The following TOP1MT variants were observed in gnomAD, a reference collection of about 807,000 sequenced individuals.
The protein encoded by TOP1MT is DNA topoisomerase I, mitochondrial.
A neutral mutation model predicts 73.9 loss-of-function variants in TOP1MT; 80 were observed. The ratio of observed to expected loss-of-function variants is 1.08; its 90% CI spans 0.90 to 1.30. The LOEUF (loss-of-function observed/expected upper bound fraction) is 1.30. Among genes scored for constraint, TOP1MT ranks in the 50% most tolerant of loss-of-function variants. The probability of loss-of-function intolerance (pLI) is 0.00; values close to 1 mark genes in which losing one functional copy is unlikely to be tolerated. For missense variants in TOP1MT, 815 were observed against 808.0 expected (o/e 1.01, Z -0.10); for synonymous variants, 338 against 326.4 (o/e 1.04, Z -0.38).
exon 2 of TOP1MT, chr8:143,343,269 G>T (rs187326988): frequency 8.8e-6 from 4 of 456,112 alleles, no homozygotes; most frequent in Non-Finnish European, 1.8e-5. Flanking sequence ...CTTCACTGGC[G>T]TGGTGATCTG....
chr8:143,316,696 G>C lies in TOP1MT; in HGVS notation c.1331-570C>G, dbSNP rs866234319. Among the ~76,000 whole-genome samples, 103 of 152,214 alleles carry C rather than the reference G, an allele frequency of 6.8e-4. 1 individual carries two copies. Among genetic ancestry groups the C allele is most frequent in the Non-Finnish European group, 1.0e-4 (7 of 68,002 alleles). ...TGGCGACATCCCCTCAAGGTACCAC[G>C]TTGTCTCCATTTTCCAGTCAAGAAT... On this transcript the variant is annotated intron_variant, in intron 10 of 13. Coordinates refer to ENST00000329245, the MANE Select transcript of TOP1MT (RefSeq NM_052963.3).
upstream of TOP1MT, among the ~76,000 whole-genome samples, chr8:143,337,452 C>G (rs558146832): frequency 6.6e-6 from 1 of 152,258 alleles, no homozygotes; most frequent in African/African-American, 2.4e-5. Context: ...AAACTCAATA[C>G]AATCCCCATC....
chr8:143,355,838 A>C (rs1817398627), intron 1 of TOP1MT: 1 of 152,210 alleles, frequency 6.6e-6, no homozygotes, highest in Non-Finnish European at 1.5e-5. Context: ...GGCAGGTCCC[A>C]ATTCCACTGC....
rs1253252889 is a variant in TOP1MT at position 143,318,009 on chromosome 8, C to A, written c.1215+9G>T. The A allele has an allele frequency of 1.9e-6, 3 of 1,614,048 alleles. No individual in the cohort carries two copies. The highest frequency in any genetic ancestry group is 2.5e-6 in the Non-Finnish European group (3 of 1,180,006). ...CCGCCCACTGCTGAGGAAACACGAG[C>A]CGGCTTACGGTCAGCCTGTCGAAGA... On this transcript the variant is annotated intron_variant, in intron 9 of 13. Coordinates refer to ENST00000329245, the MANE Select transcript of TOP1MT (RefSeq NM_052963.3).
upstream of TOP1MT, among the ~76,000 whole-genome samples, chr8:143,345,399 C>T (rs1270043079): frequency 6.6e-6 from 1 of 152,242 alleles, no homozygotes; most frequent in Non-Finnish European, 1.5e-5. Flanking sequence ...CCAGCAATGC[C>T]AGCCCGAGGC....
At chr8:143,329,709 G>A (rs1816803232) in intron 2 of TOP1MT, among the ~76,000 whole-genome samples, 2 of 152,116 alleles carry the variant, frequency 1.3e-5, no homozygotes, top group Non-Finnish European at 2.9e-5. Flanking sequence ...AAGATTTCAG[G>A]CGCTACTGCT....
rs983283618 is a variant in TOP1MT, at chr8:143,324,402, G to A, written c.816+83C>T. The A allele has an allele frequency of 2.6e-5, 42 of 1,590,174 alleles. No individual in the cohort carries two copies. In the Admixed American group the frequency reaches 2.8e-4, roughly 11 times the overall value. On this transcript the variant is annotated intron_variant, in intron 6 of 13. Coordinates refer to ENST00000329245, the MANE Select transcript of TOP1MT (RefSeq NM_052963.3). Reference sequence around the variant, plus strand: ...CCAGCCCATCTCAGAAGCCTCTGCCGGTGCCCGGCTTACACACCTCCCTGC... The same window carrying A: ...CCAGCCCATCTCAGAAGCCTCTGCCAGTGCCCGGCTTACACACCTCCCTGC...
In TOP1MT at chr8:143,317,854, T is replaced by A; in HGVS notation, c.1216-17A>T. 6.2e-7 allele frequency: 1 copy of A among 1,612,884 alleles called. No individual in the cohort carries two copies. Among genetic ancestry groups the A allele is most frequent in the Non-Finnish European group, 8.5e-7 (1 of 1,179,118 alleles). ...GCTGGTCGTCTGGGGAGGAAAATGG[T>A]CTCTATAATTACGTGGTTTTGCGGG... On this transcript the variant is annotated splice_polypyrimidine_tract_variant and intron_variant, in intron 9 of 13. Transcript: ENST00000329245.
At chr8:143,330,525 G>A (rs995391514) in intron 2 of TOP1MT, among the ~76,000 whole-genome samples, 1 of 152,254 alleles carries the variant, frequency 6.6e-6, no homozygotes, top group African/African-American at 2.4e-5. Flanking sequence ...GCAAACTCAG[G>A]TGTGCATGTG....
At chr8:143,324,179 A>C in intron 6 of TOP1MT, 37 bp from the exon 7 acceptor site, 1 of 1,608,160 alleles carries the variant, frequency 6.2e-7, no homozygotes, top group Non-Finnish European at 8.5e-7. Context: ...AAACATTCAC[A>C]TTCCTGTTAA....
At chr8:143,314,717 A>G (rs1312963854) in intron 12 of TOP1MT, among the ~76,000 whole-genome samples, 1 of 152,196 alleles carries the variant, frequency 6.6e-6, no homozygotes, top group African/African-American at 2.4e-5. Flanking sequence ...CTGAGGCAAG[A>G]GACTGAGGGC....
chr8:143,334,855 C>T lies in TOP1MT; in HGVS notation c.7G>A (p.Val3Met), dbSNP rs774822970. 1.3e-5 allele frequency: 19 copies of T among 1,496,888 alleles called. No individual in the cohort carries two copies. Among genetic ancestry groups the T allele is most frequent in the Non-Finnish European group, 1.5e-5 (17 of 1,133,122 alleles). 92.7% of individuals were successfully genotyped at this position (1,496,888 alleles called of 1,614,324 possible). A position where few individuals can be genotyped will look rare whatever the true frequency, so the allele number is the denominator to read the frequency against. The change falls in exon 1 of 14, where the codon GTG becomes ATG. Residue 3 changes from valine to methionine, a missense_variant. Physicochemically the swap from Val to Met is conservative, Grantham distance 21. Coordinates refer to ENST00000329245, the MANE Select transcript of TOP1MT (RefSeq NM_052963.3). ...GCCCGGAGCCGCAGCAGCCGCACCACGCGCATCTGCCAGCCTCCGGGAAAG... is the reference window on the plus strand; with the variant it reads ...GCCCGGAGCCGCAGCAGCCGCACCATGCGCATCTGCCAGCCTCCGGGAAAG... The part of the protein sequence containing the change: MR[V>M]VRLLRLRAAL...
At position 143,321,366 on chromosome 8, in the gene TOP1MT, A is replaced by G. The variant is rs548573183; in HGVS notation, c.981T>C (p.Asn327=). 5 of 1,590,824 alleles carry G rather than the reference A, an allele frequency of 3.1e-6. No individual in the cohort carries two copies. The East Asian group carries it at 6.8e-5, about 22-fold the overall frequency. The change falls in exon 8 of 14, where the codon AAT becomes AAC. Residue 327 remains asparagine, a synonymous_variant. Transcript: ENST00000329245. ...CGGCCGCCTCACCGTCCTCCTTCTC[A>G]TTTCCTGCTCTCAGTGCCAGCTAGT... ...FIDKLALRAG[N]EKEDGEAADT... is the part of the protein sequence containing the mutation.
intron 8 of TOP1MT, among the ~76,000 whole-genome samples, chr8:143,318,482 C>T (rs761798341): frequency 2.0e-4 from 30 of 152,352 alleles, no homozygotes; most frequent in Admixed American, 7.2e-4. Context: ...TGTGTCCAAC[C>T]TCCCTCCACC....
intron 1 of TOP1MT, chr8:143,343,568 G>T: frequency 3.7e-6 from 1 of 268,258 alleles, no homozygotes; most frequent in South Asian, 3.9e-5. Flanking sequence ...GGAAGAGTGG[G>T]CAGGCAGTAA....
upstream of TOP1MT, among the ~76,000 whole-genome samples, chr8:143,349,265 A>G (rs992995351): frequency 3.3e-5 from 5 of 152,064 alleles, no homozygotes; most frequent in African/African-American, 1.2e-4. Context: ...GGGACCCAGG[A>G]AAAGCTCTCA....
At chr8:143,324,998 GC>G (rs1429714165) in intron 5 of TOP1MT, among the ~76,000 whole-genome samples, 2 of 152,168 alleles carry the variant, frequency 1.3e-5, no homozygotes, top group African/African-American at 4.8e-5. Context: ...ACAACATGTG[GC>G]CCAGCAGTCC....
chr8:143,322,687 C>T (rs1365006803), intron 7 of TOP1MT, among the ~76,000 whole-genome samples: 2 of 102,544 alleles, frequency 2.0e-5, no homozygotes, highest in Non-Finnish European at 3.7e-5. Flanking sequence ...ACGCCACACA[C>T]GCACGCCACA....
upstream of TOP1MT, among the ~76,000 whole-genome samples, chr8:143,347,439 G>A (rs1304904007): frequency 1.3e-5 from 2 of 152,164 alleles, no homozygotes; most frequent in East Asian, 1.9e-4. Flanking sequence ...ACAGGCATGA[G>A]CCACCGCACC....
Sources: gnomAD v4.1 joint callset for allele counts (sites outside exome capture counted in the v4.1 genomes callset) on GRCh38, gnomAD v4.1.1 for gene constraint, MANE v1.5 for transcripts, NCBI Gene and HGNC (gene_info 2026-07-23, HGNC 2026-07-21) for gene names.